Variants in MEOX2 observed in about 807,000 individuals in gnomAD.
MEOX2 encodes mesenchyme homeobox 2, also known as homeobox protein MOX-2.
In MEOX2, 11 loss-of-function variants were observed where a neutral mutation model predicts 27.0. The observed-to-expected ratio is 0.41, with a 90% confidence interval of 0.26 to 0.68. The LOEUF is 0.68. Ranked by LOEUF, MEOX2 falls within the 30% of genes least tolerant of loss-of-function variation. The pLI is 0.33. For missense variants in MEOX2, 436 were observed against 385.4 expected, an observed-to-expected ratio of 1.13 and a Z score of -1.10; for synonymous variants, 189 against 155.4, an observed-to-expected ratio of 1.22 and a Z score of -1.61.
chr7:15,671,060 A>T (rs1319430283), intron 1 of MEOX2, among the ~76,000 whole-genome samples: 2 of 152,218 alleles, frequency 1.3e-5, no homozygotes, highest in Non-Finnish European at 2.9e-5. Context: ...AACATTGAAC[A>T]TAATGGACAC....
intron 1 of MEOX2, among the ~76,000 whole-genome samples, chr7:15,643,709 G>A (rs985801425): frequency 2.6e-5 from 4 of 152,176 alleles, no homozygotes; most frequent in Admixed American, 6.5e-5. Context: ...TTTCATGAAG[G>A]GAGGGGTGCC....
At chr7:15,617,921 T>C (rs1781148826) in intron 2 of MEOX2, among the ~76,000 whole-genome samples, 1 of 152,102 alleles carries the variant, frequency 6.6e-6, no homozygotes, top group Admixed American at 6.6e-5. Flanking sequence ...ACATTAGCTA[T>C]AGACAGCCAT....
chr7:15,686,417 G>C lies in MEOX2; in HGVS notation c.-15C>G. 6.4e-7 allele frequency: 1 copy of C among 1,556,066 alleles called. No homozygotes were observed. The highest frequency in any genetic ancestry group is 2.4e-5 in the East Asian group (1 of 41,644). On this transcript the variant is annotated 5_prime_UTR_variant, in exon 1 of 3. Transcript: ENST00000262041. ...GGGTGTTCCATAGCATGCAAGTTTC[G>C]GGTTCCAGGCAGAAGACTTCACGGC...
At chr7:15,682,665 G>A (rs911340764) in intron 1 of MEOX2, among the ~76,000 whole-genome samples, 1 of 151,710 alleles carries the variant, frequency 6.6e-6, no homozygotes, top group Non-Finnish European at 1.5e-5. Context: ...ATTAATTTTA[G>A]TTATTTTAAC....
At chr7:15,619,554 T>A (rs560342504) in intron 2 of MEOX2, among the ~76,000 whole-genome samples, 1 of 152,050 alleles carries the variant, frequency 6.6e-6, no homozygotes, top group East Asian at 1.9e-4. Context: ...CAAATTTCAG[T>A]AAAATCTCTA....
rs116790565 is a variant in MEOX2 at position 15,673,329 on chromosome 7, T to C, written c.517+12557A>G. On this transcript the variant is annotated intron_variant, in intron 1 of 2. Transcript: ENST00000262041. ...AAAAGTAATGATTAGTGTAGGGAGG[T>C]AGTGATCTTAAAAGGTGTAACCATC... Among the ~76,000 whole-genome samples the C allele has an allele frequency of 3.3e-3, 492 of 151,368 alleles. 1 individual carries two copies. The highest frequency in any genetic ancestry group is 0.011 in the African/African-American group (443 of 41,252).
At chr7:15,635,043 A>C (rs1781459618) in intron 1 of MEOX2, among the ~76,000 whole-genome samples, 1 of 152,028 alleles carries the variant, frequency 6.6e-6, no homozygotes, top group Non-Finnish European at 1.5e-5. Flanking sequence ...ATTTGATTAC[A>C]TCCATATCAT....
intron 1 of MEOX2, among the ~76,000 whole-genome samples, chr7:15,637,507 T>C (rs1011931138): frequency 6.6e-6 from 1 of 151,568 alleles, no homozygotes; most frequent in African/African-American, 2.4e-5. Flanking sequence ...TAAAATGTAA[T>C]TTTCCAATAC....
At chr7:15,681,938 C>A (rs1782297971) in intron 1 of MEOX2, 1 of 151,710 alleles carries the variant, frequency 6.6e-6, no homozygotes, top group African/African-American at 2.4e-5. Context: ...TTCTTCCTTC[C>A]ATTCATTGCT....
At chr7:15,615,429 TA>T (rs35066341) in intron 2 of MEOX2, among the ~76,000 whole-genome samples, 92,144 of 150,392 alleles carry the variant, frequency 0.61, 28,212 homozygotes, top group East Asian at 0.78. Flanking sequence ...GCATTTGTAA[TA>T]AAAAAAAAGC....
chr7:15,616,408 A>T (rs1351767036), intron 2 of MEOX2, among the ~76,000 whole-genome samples: 1 of 151,936 alleles, frequency 6.6e-6, no homozygotes, highest in South Asian at 2.1e-4. Context: ...TTTTGGAAAA[A>T]CACACATTTT....
chr7:15,629,411 T>C (rs554028638), intron 1 of MEOX2, among the ~76,000 whole-genome samples: 3 of 152,136 alleles, frequency 2.0e-5, no homozygotes, highest in Admixed American at 2.0e-4. Flanking sequence ...TTTAAATCCA[T>C]AAATTATTTA....
intron 1 of MEOX2, among the ~76,000 whole-genome samples, chr7:15,668,470 G>GTTTGTT (rs887432064): frequency 1.3e-5 from 2 of 151,810 alleles, no homozygotes; most frequent in African/African-American, 4.8e-5. Context: ...TAGTAGTTAA[G>GTTTGTT]TTTGTTTTTG....
At chr7:15,661,467 C>T (rs538653855) in intron 1 of MEOX2, among the ~76,000 whole-genome samples, 14 of 152,242 alleles carry the variant, frequency 9.2e-5, no homozygotes, top group East Asian at 3.9e-4. Context: ...TTTTGGAATG[C>T]GTTTTGCTTT....
At chr7:15,663,068 T>G (rs1032157813) in intron 1 of MEOX2, among the ~76,000 whole-genome samples, 2 of 152,166 alleles carry the variant, frequency 1.3e-5, no homozygotes, top group African/African-American at 4.8e-5. Context: ...ATAACCAATC[T>G]GTAAATCTAT....
chr7:15,649,335 G>C (rs1023074724), intron 1 of MEOX2, among the ~76,000 whole-genome samples: 1 of 151,920 alleles, frequency 6.6e-6, no homozygotes, highest in Non-Finnish European at 1.5e-5. Context: ...TAAGGGTGGG[G>C]GGAGACATCA....
At chr7:15,670,593 T>C (rs1782078997) in intron 1 of MEOX2, among the ~76,000 whole-genome samples, 1 of 152,254 alleles carries the variant, frequency 6.6e-6, no homozygotes, top group African/African-American at 2.4e-5. Flanking sequence ...TATTGAGTAC[T>C]TGGAACGTGC....
chr7:15,616,106 G>A (rs1781119482), intron 2 of MEOX2, among the ~76,000 whole-genome samples: 1 of 151,678 alleles, frequency 6.6e-6, no homozygotes. Context: ...ATTGCCAACA[G>A]TAGCTACATG....
chr7:15,685,866 G>A lies in MEOX2; in HGVS notation c.517+20C>T. 2 of 1,565,660 alleles carry A rather than the reference G, an allele frequency of 1.3e-6. No homozygotes were observed. Among genetic ancestry groups the A allele is most frequent in the Non-Finnish European group, 8.6e-7 (1 of 1,158,268 alleles). On this transcript the variant is annotated intron_variant, in intron 1 of 2. Coordinates refer to ENST00000262041, the MANE Select transcript of MEOX2 (RefSeq NM_005924.5). ...TTCCAGCCCGGCGCGCACTCTCGAG[G>A]GTGCCTGGCGCGCCCTTACCTGAGC... is the stretch of plus-strand genomic sequence containing the variant.
Sources: allele counts gnomAD v4.1 joint callset (sites outside exome capture counted in the v4.1 genomes callset), GRCh38; gene constraint gnomAD v4.1.1; transcripts MANE v1.5; gene names NCBI Gene and HGNC (gene_info 2026-07-23, HGNC 2026-07-21).